Variants in RBBP5 observed in about 807,000 individuals in gnomAD.
RBBP5 encodes the protein retinoblastoma-binding protein 5.
A neutral mutation model predicts 72.2 loss-of-function variants in RBBP5; 5 were observed. The observed-to-expected ratio is 0.07, with a 90% CI of 0.04 to 0.15. The LOEUF is 0.15. Ranked by LOEUF, RBBP5 falls within the 10% of genes least tolerant of loss-of-function variation. RBBP5 has a pLI of 1.00. For synonymous variants in RBBP5, 209 were observed against 237.2 expected (o/e 0.88, Z 1.09); for missense variants, 322 against 652.2 (o/e 0.49, Z 5.51).
Position 205,114,914 on chromosome 1 carries a change from G to T in RBBP5, c.93C>A (p.Thr31=). Residue 31 remains threonine, a synonymous_variant, in exon 3 of 14, where the codon ACC becomes ACA. Coordinates refer to ENST00000264515, the MANE Select transcript of RBBP5 (RefSeq NM_005057.4). ...LDCISMALTC[T]FNRWGTLLAV... Reference sequence around the variant, plus strand: ...CAAGCAGTGTGCCCCACCTGTTAAAGGTGCAAGTCAAAGCCATGCTGATAC... The same window carrying T: ...CAAGCAGTGTGCCCCACCTGTTAAATGTGCAAGTCAAAGCCATGCTGATAC... The T allele has an allele frequency of 6.3e-7, 1 of 1,594,074 alleles. No individual in the cohort carries two copies. The highest frequency in any genetic ancestry group is 1.3e-5 in the African/African-American group (1 of 74,718).
intron 13 of RBBP5, among the ~76,000 whole-genome samples, chr1:205,093,458 C>CCA (rs1553352080): frequency 0.016 from 293 of 18,156 alleles, 86 homozygotes; most frequent in Admixed American, 0.025. Context: ...AACTCCGTTT[C>CCA]AAAAAAAAAA....
At chr1:205,117,700 T>C (rs1656580696) in intron 1 of RBBP5, among the ~76,000 whole-genome samples, 1 of 151,654 alleles carries the variant, frequency 6.6e-6, no homozygotes, top group African/African-American at 2.4e-5. Context: ...AATAAACAAA[T>C]GTATGTGTAA....
At chr1:205,109,229 A>G (rs1656204301) in intron 3 of RBBP5, among the ~76,000 whole-genome samples, 1 of 148,808 alleles carries the variant, frequency 6.7e-6, no homozygotes, top group Non-Finnish European at 1.5e-5. Flanking sequence ...AAAAGCCAAT[A>G]GCTGGATGAT....
rs142025335 is a variant in RBBP5, at chr1:205,099,596, T to C, written c.978+145A>G. ...CCTTCCCACCAAAATAAAGTGCAAC[T>C]AGATGCACTGAACCTATGTAATTTA... On this transcript the variant is annotated intron_variant, in intron 9 of 13. Transcript: ENST00000264515. This position sits in a 1 kb window ranked among gnomAD's most constrained non-coding sequence, Gnocchi z 4.7. 2.8e-4 allele frequency: 232 copies of C among 822,570 alleles called. 1 individual carries two copies. The African/African-American group carries it at 3.6e-3, about 13-fold the overall frequency. 51.0% of individuals were successfully genotyped at this position (822,570 alleles called of 1,614,324 possible).
At chr1:205,116,056 ACT>A in intron 1 of RBBP5, 173 bp from the exon 2 acceptor site, 2 of 1,347,676 alleles carry the variant, frequency 1.5e-6, no homozygotes, top group Admixed American at 4.2e-5. Flanking sequence ...TGACTTGTTT[ACT>A]CTCATTATCT....
At chr1:205,093,458 C>CCAAAAAAAAAAAAAAA (rs1553352080) in intron 13 of RBBP5, among the ~76,000 whole-genome samples, 230 of 18,322 alleles carry the variant, frequency 0.013, 79 homozygotes, top group Non-Finnish European at 0.013. Context: ...AACTCCGTTT[C>CCAAAAAAAAAAAAAAA]AAAAAAAAAA....
At chr1:205,104,714 A>G (rs12143085) in intron 4 of RBBP5, among the ~76,000 whole-genome samples, 64,545 of 151,578 alleles carry the variant, frequency 0.43, 14,362 homozygotes, top group Non-Finnish European at 0.47. Context: ...GGTGGCACGC[A>G]CCTGCAGTCC....
chr1:205,110,209 G>A (rs902898145), intron 3 of RBBP5, among the ~76,000 whole-genome samples: 9 of 151,892 alleles, frequency 5.9e-5, no homozygotes, highest in African/African-American at 1.7e-4. Context: ...TAGTAGAGAC[G>A]GAGTTTCACC....
chr1:205,112,357 C>G (rs188738400), intron 3 of RBBP5, among the ~76,000 whole-genome samples: 2 of 152,202 alleles, frequency 1.3e-5, no homozygotes, highest in East Asian at 3.9e-4. Context: ...ATTATCTCAT[C>G]TATGACGGCT....
intron 6 of RBBP5, among the ~76,000 whole-genome samples, chr1:205,100,708 C>A (rs1655786023): frequency 6.6e-6 from 1 of 152,110 alleles, no homozygotes; most frequent in African/African-American, 2.4e-5. Context: ...TTAGTTATTT[C>A]ATCACTTTCT....
rs577555468 is a variant in RBBP5 at position 205,098,978 on chromosome 1, A to G, written c.1096+11T>C. The stretch of plus-strand genomic sequence containing the variant: ...CTTTAGGAAATCCTGTCTGCAATTT[A>G]GAAATAGTACCTGTCTGCTCAGGCT... On this transcript the variant is annotated intron_variant, in intron 10 of 13. Coordinates refer to ENST00000264515, the MANE Select transcript of RBBP5 (RefSeq NM_005057.4). 1 of 1,510,816 alleles carries G rather than the reference A, an allele frequency of 6.6e-7. No homozygotes were observed. The highest frequency in any genetic ancestry group is 9.0e-7 in the Non-Finnish European group (1 of 1,116,900). The allele number at this position is 1,510,816 out of a possible 1,614,324, so 93.6% of individuals were successfully genotyped here.
Position 205,095,054 on chromosome 1 carries a change from T to C in RBBP5, c.1407A>G (p.Pro469=). Residue 469 remains proline, a synonymous_variant, in exon 13 of 14, where the codon CCA becomes CCG. Transcript: ENST00000264515. The stretch of plus-strand genomic sequence containing the variant: ...TGCCATCCCCCTTCACACCCAGTAG[T>C]GGATGGACTTCTGTAGGACAGACAG... ...LQGVPNDEVH[P]LLGVKGDGKS... is the part of the protein sequence containing the mutation. 1 of 1,614,172 alleles carries C rather than the reference T, an allele frequency of 6.2e-7. No individual in the cohort carries two copies. The highest frequency in any genetic ancestry group is 8.5e-7 in the Non-Finnish European group (1 of 1,180,018).
At chr1:205,093,513 TATATATATATATATATATATACACACAC>T (rs1655472537) in intron 13 of RBBP5, among the ~76,000 whole-genome samples, 1 of 9,960 alleles carries the variant, frequency 1.0e-4, no homozygotes, top group Non-Finnish European at 1.6e-4. Flanking sequence ...TATATATATA[TATATATATATATATATATATACACACAC>T]ACACACACAC....
In RBBP5 at chr1:205,087,411, G is replaced by GT. The variant is rs1473448257; in HGVS notation, c.*1375dup. ...GGCTTTCACCACGTTGGCCAGGCTG[G>GT]TCTTGAACTCCTGACCTCGGGTGAT... On this transcript the variant is annotated 3_prime_UTR_variant, in exon 14 of 14. Transcript: ENST00000264515. The GT allele has an allele frequency of 6.6e-6, 1 of 151,966 alleles. No homozygotes were observed. Among genetic ancestry groups the GT allele is most frequent in the African/African-American group, 2.4e-5 (1 of 41,384 alleles). The allele number at this position is 151,966 out of a possible 1,614,324, so 9.4% of individuals were successfully genotyped here.
chr1:205,112,312 T>C (rs963847301), intron 3 of RBBP5, among the ~76,000 whole-genome samples: 7 of 152,120 alleles, frequency 4.6e-5, no homozygotes, highest in South Asian at 2.1e-4. Flanking sequence ...AGCAAGACTC[T>C]GTCTCAAAAA....
rs1248840745 is a variant in RBBP5, at chr1:205,099,800, G to C, written c.919C>G (p.Arg307Gly). Residue 307 changes from arginine to glycine, a missense_variant, in exon 9 of 14, where the codon CGA (arginine) becomes GGA (glycine). Arg to Gly is a moderately radical substitution (Grantham distance 125, BLOSUM62 -2). This residue lies in a region of RBBP5 where 161 missense variants were observed against 327.8 expected (regional missense o/e 0.49). Transcript: ENST00000264515. This position sits in a 1 kb window ranked among gnomAD's most constrained non-coding sequence, Gnocchi z 4.7. ...LLLDVAWHPVRPIIASISSGV... is the reference protein window; with the variant it reads ...LLLDVAWHPVGPIIASISSGV... ...CTGGAAATGGATGCTATGATGGGTC[G>C]AACAGGATGCCACTAAATTTTAGTG... is the stretch of plus-strand genomic sequence containing the variant. The C allele has an allele frequency of 6.2e-7, 1 of 1,613,874 alleles. No homozygotes were observed. Among genetic ancestry groups the C allele is most frequent in the Non-Finnish European group, 8.5e-7 (1 of 1,179,760 alleles).
Position 205,103,857 on chromosome 1 carries a change from C to G in RBBP5, c.522G>C (p.Lys174Asn). The G allele has an allele frequency of 1.2e-6, 2 of 1,609,736 alleles. No homozygotes were observed. The highest frequency in any genetic ancestry group is 1.7e-6 in the Non-Finnish European group (2 of 1,176,262). ...CTGATTTGCCAGCTTTTAGGCTTAC[C>G]TTGCCTTTTGCGTTTCCCGTATAAA... ...EYIYTGNAKG[K>N]ILVLKTDSQD... The change falls in exon 5 of 14, where the codon AAG becomes AAC. Residue 174 changes from lysine (K) to asparagine (N), a missense_variant and splice_region_variant. Coordinates refer to ENST00000264515, the MANE Select transcript of RBBP5 (RefSeq NM_005057.4).
chr1:205,113,785 A>G (rs1656413812), intron 3 of RBBP5, among the ~76,000 whole-genome samples: 1 of 151,746 alleles, frequency 6.6e-6, no homozygotes, highest in South Asian at 2.1e-4. Context: ...TCCAGGTTCA[A>G]GCGATTCTCC....
At chr1:205,116,998 C>A (rs1046896692) in intron 1 of RBBP5, among the ~76,000 whole-genome samples, 3 of 151,986 alleles carry the variant, frequency 2.0e-5, no homozygotes, top group African/African-American at 7.2e-5. Flanking sequence ...CTCTTTATTT[C>A]TTTGTTTTAG....
Sources: gnomAD v4.1 joint callset for allele counts (sites outside exome capture counted in the v4.1 genomes callset) on GRCh38, gnomAD v4.1.1 for gene constraint, gnomAD v4.1.1 regional missense constraint, Gnocchi (gnomAD v3.1) non-coding constraint, MANE v1.5 for transcripts, NCBI Gene and HGNC (gene_info 2026-07-23, HGNC 2026-07-21) for gene names.